The following PRDM16 variants were observed in gnomAD, a reference collection of about 807,000 sequenced individuals.
PRDM16 encodes histone-lysine N-methyltransferase PRDM16.
In PRDM16, 23 loss-of-function variants were observed where a neutral mutation model predicts 110.6. The ratio of observed to expected loss-of-function variants is 0.21; its 90% CI spans 0.15 to 0.29. PRDM16 has a LOEUF of 0.29. Ranked by LOEUF, PRDM16 falls within the 10% of genes least tolerant of loss-of-function variation. The pLI, the probability that PRDM16 is intolerant of heterozygous loss-of-function variation, is 1.00. For synonymous variants in PRDM16, 799 were observed against 781.8 expected, an observed-to-expected ratio of 1.02 and a Z score of -0.37; for missense variants, 1,615 against 1,794.3, an observed-to-expected ratio of 0.90 and a Z score of 1.81.
At chr1:3,242,099 C>A (rs1639686927) in intron 2 of PRDM16, among the ~76,000 whole-genome samples, 1 of 152,182 alleles carries the variant, frequency 6.6e-6, no homozygotes. Context: ...CAGAGGCCAC[C>A]AAATGCTCCC....
chr1:3,164,990 G>A (rs1040264167), intron 1 of PRDM16, among the ~76,000 whole-genome samples: 11 of 152,242 alleles, frequency 7.2e-5, no homozygotes, highest in African/African-American at 1.4e-4. Context: ...GGGATCAGCC[G>A]TGTTCCAATG....
intron 2 of PRDM16, among the ~76,000 whole-genome samples, chr1:3,194,859 A>G (rs1415620407): frequency 6.6e-6 from 1 of 152,080 alleles, no homozygotes; most frequent in Non-Finnish European, 1.5e-5. Context: ...TCCACTGCCC[A>G]CACCACCCCC....
chr1:3,425,476 C>A lies in PRDM16; in HGVS notation c.2940-105C>A. ...GGACACGGCGGGGCAAAGCTGTGCA[C>A]GGGGCACGGGGCAGGGGCGCGGGCT... On this transcript the variant is annotated intron_variant, in intron 12 of 16. Coordinates refer to ENST00000270722, the MANE Select transcript of PRDM16 (RefSeq NM_022114.4). The surrounding 1 kb of genome is among the most constrained non-coding windows in gnomAD (Gnocchi z 6.9). 1.6e-6 allele frequency: 2 copies of A among 1,255,598 alleles called. No homozygotes were observed. Among genetic ancestry groups the A allele is most frequent in the East Asian group, 2.4e-5 (1 of 42,192 alleles). The allele number at this position is 1,255,598 out of a possible 1,614,324, so 77.8% of individuals were successfully genotyped here. A position where few individuals can be genotyped will look rare whatever the true frequency, so the allele number is the denominator to read the frequency against.
rs549724953 is a variant in PRDM16, at chr1:3,193,115, GAC to G, written c.387+6645_387+6646del. ...GCGGCCAGACGGCGAGTACCCAGCA[GAC>G]ACAGCGGCCAGACGACGAGTACCCA... On this transcript the variant is annotated intron_variant, in intron 2 of 16. Coordinates refer to ENST00000270722, the MANE Select transcript of PRDM16 (RefSeq NM_022114.4). Among the ~76,000 whole-genome samples, 679 of 152,254 alleles carry G rather than the reference GAC, an allele frequency of 4.5e-3. 6 individuals carry two copies. The highest frequency in any genetic ancestry group is 0.015 in the African/African-American group (639 of 41,558).
intron 3 of PRDM16, among the ~76,000 whole-genome samples, chr1:3,275,299 G>A (rs990082654): frequency 6.6e-5 from 10 of 152,228 alleles, no homozygotes; most frequent in African/African-American, 2.4e-4. Context: ...ACAAGTTCCC[G>A]GAAAGGATCA....
At position 3,226,893 on chromosome 1, in the gene PRDM16, C is replaced by CT. The variant is rs150929331; in HGVS notation, c.388-17191dup. ...CTAATCAACATCCAATGCCCGTTCTCTTTAAGACCAAGACAGAACAAAGCC... is the reference window on the plus strand; with the variant it reads ...CTAATCAACATCCAATGCCCGTTCTCTTTTAAGACCAAGACAGAACAAAGCC... On this transcript the variant is annotated intron_variant, in intron 2 of 16. Coordinates refer to ENST00000270722, the MANE Select transcript of PRDM16 (RefSeq NM_022114.4). Among the ~76,000 whole-genome samples, 2,074 of 152,312 alleles carry CT rather than the reference C, an allele frequency of 0.014. 117 individuals are homozygous for CT. The South Asian group carries it at 0.16, about 12-fold the overall frequency.
chr1:3,414,281 G>A (rs917316465), intron 9 of PRDM16, among the ~76,000 whole-genome samples: 1 of 152,198 alleles, frequency 6.6e-6, no homozygotes, highest in African/African-American at 2.4e-5. Context: ...AGGGGACCTT[G>A]GAGGCATGGG....
chr1:3,410,883 C>T (rs1460156477), intron 8 of PRDM16, among the ~76,000 whole-genome samples: 1 of 152,128 alleles, frequency 6.6e-6, no homozygotes, highest in Non-Finnish European at 1.5e-5. Flanking sequence ...CCAGGGACTT[C>T]TGAAAATCTT....
chr1:3,352,297 T>A (rs1029364415), intron 3 of PRDM16, among the ~76,000 whole-genome samples: 1 of 152,144 alleles, frequency 6.6e-6, no homozygotes, highest in East Asian at 1.9e-4. Context: ...ATCCCAGCCG[T>A]GCCCACCCCT....
chr1:3,425,617 G>C lies in PRDM16; in HGVS notation c.2976G>C (p.Ser992=). ...KYCDRSFSIS[S]NLQRHVRNIH... is the part of the protein sequence containing the mutation. Reference sequence around the variant, plus strand: ...GCGACCGCTCCTTCAGCATCTCTTCGAACCTCCAGCGGCACGTCCGGAACA... The same window carrying C: ...GCGACCGCTCCTTCAGCATCTCTTCCAACCTCCAGCGGCACGTCCGGAACA... Residue 992 remains serine, a synonymous_variant, in exon 13 of 17, where the codon TCG becomes TCC. Transcript: ENST00000270722. The surrounding 1 kb of genome is among the most constrained non-coding windows in gnomAD (Gnocchi z 6.9). 6.2e-7 allele frequency: 1 copy of C among 1,613,854 alleles called. No individual in the cohort carries two copies.
At chr1:3,337,903 C>T (rs2100505488) in intron 3 of PRDM16, among the ~76,000 whole-genome samples, 1 of 152,312 alleles carries the variant, frequency 6.6e-6, no homozygotes, top group African/African-American at 2.4e-5. Context: ...CACACATGGG[C>T]ACTTGTGTAC....
chr1:3,075,687 C>T (rs2993483), intron 1 of PRDM16, among the ~76,000 whole-genome samples: 1,854 of 152,394 alleles, frequency 0.012, 31 homozygotes, highest in African/African-American at 0.042. Flanking sequence ...GGCTCTGTGC[C>T]GTCCCATGCG....
chr1:3,193,899 G>A (rs577378529), intron 2 of PRDM16, among the ~76,000 whole-genome samples: 1 of 152,292 alleles, frequency 6.6e-6, no homozygotes, highest in Admixed American at 6.5e-5. Flanking sequence ...GGCCTGCCTT[G>A]GAGATGCTGG....
intron 1 of PRDM16, among the ~76,000 whole-genome samples, chr1:3,117,963 G>A (rs1047023627): frequency 6.6e-6 from 1 of 152,194 alleles, no homozygotes; most frequent in African/African-American, 2.4e-5. Context: ...GTGTGTGCAT[G>A]CATGCTCATG....
intron 1 of PRDM16, among the ~76,000 whole-genome samples, chr1:3,149,002 TCCGGCTTTGGCCACC>T: frequency 6.6e-6 from 1 of 152,260 alleles, no homozygotes; most frequent in East Asian, 1.9e-4. Flanking sequence ...CCAGGGGCCC[TCCGGCTTTGGCCACC>T]CCGGCTTCTG....
intron 1 of PRDM16, among the ~76,000 whole-genome samples, chr1:3,151,544 T>C (rs1174051065): frequency 1.3e-5 from 2 of 152,194 alleles, no homozygotes; most frequent in Non-Finnish European, 2.9e-5. Context: ...CATCTGCCTG[T>C]GGATAAAGCA....
At chr1:3,257,391 G>C (rs1325262043) in intron 3 of PRDM16, among the ~76,000 whole-genome samples, 4 of 152,116 alleles carry the variant, frequency 2.6e-5, no homozygotes, top group Non-Finnish European at 5.9e-5. Context: ...CTGCTGGTGT[G>C]GTCCCTCCAG....
chr1:3,356,567 G>T (rs183296763), intron 3 of PRDM16, among the ~76,000 whole-genome samples: 1 of 152,204 alleles, frequency 6.6e-6, no homozygotes, highest in African/African-American at 2.4e-5. Context: ...AATAAAAGCC[G>T]CAGCTGCCAA....
At chr1:3,319,691 A>G (rs1641696556) in intron 3 of PRDM16, among the ~76,000 whole-genome samples, 2 of 152,102 alleles carry the variant, frequency 1.3e-5, no homozygotes, top group African/African-American at 4.8e-5. Context: ...CTAGGGGTCC[A>G]CTAACTTCCC....
Sources: gnomAD v4.1 joint callset for allele counts (sites outside exome capture counted in the v4.1 genomes callset) on GRCh38, gnomAD v4.1.1 for gene constraint, Gnocchi (gnomAD v3.1) non-coding constraint, MANE v1.5 for transcripts, NCBI Gene and HGNC (gene_info 2026-07-23, HGNC 2026-07-21) for gene names.